TEX11: variants seen among roughly 807,000 people sequenced by gnomAD.
TEX11 encodes testis expressed 11.
TEX11 carries 7 observed loss-of-function variants against 84.4 expected under a neutral mutation model. That is an observed-to-expected ratio of 0.08 (90% confidence interval 0.05 to 0.16). The LOEUF (loss-of-function observed/expected upper bound fraction) is 0.16. Among genes scored for constraint, TEX11 ranks in the 10% least tolerant of loss-of-function variants. The probability of loss-of-function intolerance (pLI) is 1.00; values close to 1 mark genes in which losing one functional copy is unlikely to be tolerated. For missense variants in TEX11, 551 were observed against 660.5 expected (o/e 0.83, Z 1.82); for synonymous variants, 264 against 222.8 (o/e 1.18, Z -1.64).
At chrX:70,750,531 A>C (rs1170824507) in intron 9 of TEX11, among the ~76,000 whole-genome samples, 1 of 110,014 alleles carries the variant, frequency 9.1e-6, no homozygotes, top group Non-Finnish European at 1.9e-5. Context: ...CAAATGTCCA[A>C]CAATGATAGA....
chrX:70,833,640 A>AT (rs1203135783), intron 7 of TEX11, 47 bp from the exon 8 acceptor site: 1 of 1,020,626 alleles, frequency 9.8e-7, no homozygotes, highest in Admixed American at 2.5e-5. Context: ...TGACAAGGTT[A>AT]TTTGTCTCTA....
downstream of TEX11, among the ~76,000 whole-genome samples, chrX:70,524,911 T>G (rs997047945): frequency 8.9e-6 from 1 of 112,509 alleles, no homozygotes; most frequent in Non-Finnish European, 1.9e-5. Context: ...TGGCGGCTCA[T>G]GCCTGCAATC....
intron 7 of TEX11, among the ~76,000 whole-genome samples, chrX:70,836,038 C>T (rs376886476): frequency 7.4e-4 from 80 of 107,480 alleles, no homozygotes; most frequent in African/African-American, 2.6e-3. Context: ...ATCGCTTGAA[C>T]CCGGGAAGCA....
intron 11 of TEX11, among the ~76,000 whole-genome samples, chrX:70,727,345 C>T (rs2090607160): frequency 8.9e-6 from 1 of 111,961 alleles, no homozygotes; most frequent in Non-Finnish European, 1.9e-5. Context: ...TACACACATA[C>T]ACACACATGA....
Position 70,621,893 on chromosome X carries a change from C to T in TEX11, c.1751+2057G>A, listed in dbSNP as rs1188867163. ...ACTGCTTAATTCGGTGACTTCATATCAAATAATCTAGGAAGGGTCCATTAA... is the reference window on the plus strand; with the variant it reads ...ACTGCTTAATTCGGTGACTTCATATTAAATAATCTAGGAAGGGTCCATTAA... On this transcript the variant is annotated intron_variant, in intron 20 of 29. Transcript: ENST00000374333. 2.7e-5 allele frequency among the ~76,000 whole-genome samples: 3 copies of T among 109,688 alleles called. No individual in the cohort carries two copies. The East Asian group carries it at 8.5e-4, about 31-fold the overall frequency.
chrX:70,662,267 G>A (rs1266435237), intron 16 of TEX11, among the ~76,000 whole-genome samples: 5 of 111,546 alleles, frequency 4.5e-5, no homozygotes, highest in Non-Finnish European at 7.5e-5. Context: ...GGGTATCAGC[G>A]ATGGAAGATC....
chrX:70,638,059 G>T lies in TEX11; in HGVS notation c.1484-8324C>A, dbSNP rs144553725. Among the ~76,000 whole-genome samples, 563 of 110,679 alleles carry T rather than the reference G, an allele frequency of 5.1e-3. 4 individuals carry two copies. The highest frequency in any genetic ancestry group is 0.018 in the African/African-American group (534 of 30,433). ...CAATAAGGAGAAAAGAGATATGAAG[G>T]TCTGGAAAACACATTTCAATCAATA... On this transcript the variant is annotated intron_variant, in intron 17 of 29. Transcript: ENST00000374333.
intron 11 of TEX11, among the ~76,000 whole-genome samples, chrX:70,731,754 A>G (rs892195002): frequency 5.5e-5 from 3 of 54,601 alleles, no homozygotes; most frequent in Admixed American, 1.6e-4. Context: ...ATTCCTTCTG[A>G]AACTATTCCA....
At chrX:70,598,230 A>G (rs1198904751) in intron 24 of TEX11, among the ~76,000 whole-genome samples, 2 of 112,616 alleles carry the variant, frequency 1.8e-5, no homozygotes, top group Non-Finnish European at 3.8e-5. Flanking sequence ...TTTCCAAAGA[A>G]GATATACAAA....
chrX:70,674,963 T>G (rs2090057745), intron 15 of TEX11, among the ~76,000 whole-genome samples: 1 of 111,515 alleles, frequency 9.0e-6, no homozygotes, highest in African/African-American at 3.3e-5. Context: ...AACTCTTTGT[T>G]TTGCTATTTT....
intron 18 of TEX11, among the ~76,000 whole-genome samples, chrX:70,627,611 A>G (rs1037043824): frequency 1.8e-5 from 2 of 111,558 alleles, no homozygotes; most frequent in Non-Finnish European, 3.8e-5. Context: ...TGAATTTTGT[A>G]AAGGGATTTA....
At chrX:70,657,006 T>C (rs2089873707) in intron 16 of TEX11, among the ~76,000 whole-genome samples, 1 of 111,875 alleles carries the variant, frequency 8.9e-6, no homozygotes, top group Non-Finnish European at 1.9e-5. Context: ...AGAAAAAGTA[T>C]AGATCAGTGT....
At chrX:70,894,330 A>C (rs1379870249) in intron 2 of TEX11, among the ~76,000 whole-genome samples, 1 of 110,596 alleles carries the variant, frequency 9.0e-6, no homozygotes, top group Non-Finnish European at 1.9e-5. Context: ...ATCCTTAATA[A>C]AATATTGGTA....
chrX:70,692,519 A>C (rs2090244592), intron 13 of TEX11, among the ~76,000 whole-genome samples: 1 of 111,206 alleles, frequency 9.0e-6, no homozygotes, highest in South Asian at 3.8e-4. Flanking sequence ...AAGTGGAATC[A>C]CACAGTATTT....
chrX:70,867,905 C>A (rs1393367002), intron 4 of TEX11, among the ~76,000 whole-genome samples: 1 of 111,905 alleles, frequency 8.9e-6, no homozygotes, highest in African/African-American at 3.2e-5. Context: ...AAACATAAGA[C>A]CTAAAACCAT....
At chrX:70,765,655 A>G (rs1216606042) in intron 9 of TEX11, among the ~76,000 whole-genome samples, 1 of 111,803 alleles carries the variant, frequency 8.9e-6, no homozygotes, top group Non-Finnish European at 1.9e-5. Flanking sequence ...TAAAAGCCAT[A>G]TATAACAGAC....
In TEX11 at chrX:70,592,910, A is replaced by G. The variant is rs758020177; in HGVS notation, c.2068-1087T>C. Among the ~76,000 whole-genome samples the G allele has an allele frequency of 5.4e-5, 6 of 111,479 alleles. No individual in the cohort carries two copies. In the Admixed American group the frequency reaches 5.7e-4, roughly 11 times the overall value. The stretch of plus-strand genomic sequence containing the variant: ...CAATTAAGAGGAGATTGATAGCTCA[A>G]TGATATTAAGAAGAAAATAATAGAC... On this transcript the variant is annotated intron_variant, in intron 24 of 29. Coordinates refer to ENST00000374333, the MANE Select transcript of TEX11 (RefSeq NM_031276.3).
At chrX:70,625,080 A>G (rs1376716302) in intron 18 of TEX11, among the ~76,000 whole-genome samples, 156 bp from the exon 19 acceptor site, 1 of 111,694 alleles carries the variant, frequency 9.0e-6, no homozygotes, top group Non-Finnish European at 1.9e-5. Flanking sequence ...TGAAGATGCA[A>G]CTCACTGACA....
intron 13 of TEX11, among the ~76,000 whole-genome samples, chrX:70,722,407 G>A (rs2090566758): frequency 1.8e-5 from 2 of 111,581 alleles, no homozygotes; most frequent in Non-Finnish European, 3.8e-5. Context: ...GAGTAGCTAT[G>A]ACTACAGGCA....
Sources: allele counts gnomAD v4.1 joint callset (sites outside exome capture counted in the v4.1 genomes callset), GRCh38; gene constraint gnomAD v4.1.1; transcripts MANE v1.5; gene names NCBI Gene and HGNC (gene_info 2026-07-23, HGNC 2026-07-21).